CCDC178: variants seen among roughly 807,000 people sequenced by gnomAD.
CCDC178 encodes coiled-coil domain containing 178.
In CCDC178, 126 loss-of-function variants were observed where a neutral mutation model predicts 117.4. The ratio of observed to expected loss-of-function variants is 1.07; its 90% CI spans 0.93 to 1.24. The LOEUF is 1.24. Among genes scored for constraint, CCDC178 ranks in the 50% most tolerant of loss-of-function variants. The pLI is 0.00. For missense variants in CCDC178, 1,030 were observed against 986.9 expected, an observed-to-expected ratio of 1.04 and a Z score of -0.59; for synonymous variants, 283 against 313.4, an observed-to-expected ratio of 0.90 and a Z score of 1.02.
chr18:33,378,126 AGT>A (rs2063389227), intron 5 of CCDC178, among the ~76,000 whole-genome samples: 1 of 152,182 alleles, frequency 6.6e-6, no homozygotes, highest in Non-Finnish European at 1.5e-5. Context: ...TTCTTTCAGC[AGT>A]GTTTTGTAGT....
intron 21 of CCDC178, among the ~76,000 whole-genome samples, chr18:33,085,224 CA>C (rs1001705099): frequency 3.3e-5 from 5 of 152,130 alleles, no homozygotes; most frequent in African/African-American, 1.2e-4. Flanking sequence ...CTTCTATATG[CA>C]AAATATAGTT....
At chr18:33,038,742 G>A (rs2056491043) in intron 21 of CCDC178, among the ~76,000 whole-genome samples, 1 of 151,990 alleles carries the variant, frequency 6.6e-6, no homozygotes, top group Non-Finnish European at 1.5e-5. Flanking sequence ...GATGCTGGTA[G>A]TATCACTGAC....
chr18:33,179,059 TA>T (rs757037955), intron 20 of CCDC178, among the ~76,000 whole-genome samples: 229 of 14,744 alleles, frequency 0.016, 6 homozygotes, highest in African/African-American at 0.062. Flanking sequence ...AAGCACTCAG[TA>T]AAAAAAAAAA....
rs180760710 is a variant in CCDC178 at position 32,991,107 on chromosome 18, A to C, written c.2389-16426T>G. 9.2e-5 allele frequency among the ~76,000 whole-genome samples: 14 copies of C among 151,762 alleles called. No homozygotes were observed. In the East Asian group the frequency reaches 2.5e-3, roughly 27 times the overall value. ...TACATTCAATATCTTAGTTACTTCT[A>C]CATAAAATGGGGGCTATTATCATTT... On this transcript the variant is annotated intron_variant, in intron 21 of 22. Transcript: ENST00000383096.
intron 9 of CCDC178, among the ~76,000 whole-genome samples, chr18:33,337,613 G>T (rs2062758536): frequency 6.6e-6 from 1 of 152,002 alleles, no homozygotes; most frequent in African/African-American, 2.4e-5. Flanking sequence ...GCCAAATACA[G>T]CTAACTGATC....
At chr18:33,390,473 T>A (rs1190766810) in intron 4 of CCDC178, among the ~76,000 whole-genome samples, 2 of 152,090 alleles carry the variant, frequency 1.3e-5, no homozygotes, top group Non-Finnish European at 2.9e-5. Flanking sequence ...AAATACTCTG[T>A]AGTTATGCAA....
intron 21 of CCDC178, among the ~76,000 whole-genome samples, chr18:33,034,171 C>G (rs2056399603): frequency 6.6e-6 from 1 of 151,972 alleles, no homozygotes; most frequent in Non-Finnish European, 1.5e-5. Flanking sequence ...GCTTTTACCT[C>G]TGAATTATGT....
intron 9 of CCDC178, among the ~76,000 whole-genome samples, chr18:33,340,609 T>G (rs2144657505): frequency 6.6e-6 from 1 of 152,196 alleles, no homozygotes; most frequent in Admixed American, 6.5e-5. Context: ...CCCCATGCTG[T>G]GTGCAGCCTA....
chr18:33,243,367 T>C (rs1315425591), intron 15 of CCDC178, among the ~76,000 whole-genome samples: 4 of 151,826 alleles, frequency 2.6e-5, no homozygotes, highest in African/African-American at 7.2e-5. Flanking sequence ...AAGAATAATA[T>C]ACATTTTCAA....
intron 20 of CCDC178, among the ~76,000 whole-genome samples, chr18:33,109,785 T>C (rs2057757491): frequency 6.6e-6 from 1 of 151,560 alleles, no homozygotes; most frequent in Non-Finnish European, 1.5e-5. Flanking sequence ...TAATTCATAC[T>C]TTTTATGTGG....
At chr18:33,350,520 G>A (rs2062960934) in intron 7 of CCDC178, among the ~76,000 whole-genome samples, 1 of 152,112 alleles carries the variant, frequency 6.6e-6, no homozygotes, top group African/African-American at 2.4e-5. Flanking sequence ...TTATAGAAAT[G>A]TAATCATATA....
chr18:33,356,475 C>T, intron 6 of CCDC178, 129 bp from the exon 7 acceptor site: 1 of 991,772 alleles, frequency 1.0e-6, no homozygotes, highest in Non-Finnish European at 1.4e-6. Context: ...TGTACTTATA[C>T]TCTCGGTTGT....
chr18:33,331,357 C>G (rs2062666030), intron 10 of CCDC178, among the ~76,000 whole-genome samples: 1 of 152,010 alleles, frequency 6.6e-6, no homozygotes, highest in Admixed American at 6.5e-5. Context: ...TCTGACTATC[C>G]TTTTGCTCTT....
chr18:33,107,348 A>G lies in CCDC178; in HGVS notation c.2239-14438T>C, dbSNP rs202112263. Among the ~76,000 whole-genome samples, 16 of 151,646 alleles carry G rather than the reference A, an allele frequency of 1.1e-4. No individual in the cohort carries two copies. In the East Asian group the frequency reaches 2.5e-3, roughly 24 times the overall value. ...AATGTATTCCATCATTTATTCATTT[A>G]TTTTGCATTTAATATTTGTTTTCTA... On this transcript the variant is annotated intron_variant, in intron 20 of 22. Transcript: ENST00000383096.
At chr18:33,049,462 T>G (rs1414818789) in intron 21 of CCDC178, among the ~76,000 whole-genome samples, 1 of 151,994 alleles carries the variant, frequency 6.6e-6, no homozygotes, top group Non-Finnish European at 1.5e-5. Context: ...CTATTATCTT[T>G]TTACCCTGTT....
At chr18:33,320,201 C>T (rs184493650) in intron 11 of CCDC178, among the ~76,000 whole-genome samples, 2 of 152,328 alleles carry the variant, frequency 1.3e-5, no homozygotes, top group African/African-American at 4.8e-5. Context: ...GATGCCCTCT[C>T]TCACCACTCC....
chr18:33,239,497 C>T (rs1421149115), intron 15 of CCDC178, among the ~76,000 whole-genome samples: 6 of 143,820 alleles, frequency 4.2e-5, no homozygotes, highest in East Asian at 2.1e-4. Context: ...CTGAAAGTGA[C>T]GTGGTTAAAA....
At chr18:33,019,951 ATTATTATTATTT>A (rs1225277491) in intron 21 of CCDC178, among the ~76,000 whole-genome samples, 3 of 138,942 alleles carry the variant, frequency 2.2e-5, no homozygotes, top group Non-Finnish European at 4.6e-5. Flanking sequence ...TATTATTATT[ATTATTATTATTT>A]GAGATAGAGT....
At chr18:33,038,277 G>A (rs908480481) in intron 21 of CCDC178, among the ~76,000 whole-genome samples, 4 of 151,734 alleles carry the variant, frequency 2.6e-5, no homozygotes, top group African/African-American at 9.7e-5. Context: ...CAAGATATTT[G>A]GTATATCTCA....
Sources: allele counts gnomAD v4.1 joint callset (sites outside exome capture counted in the v4.1 genomes callset), GRCh38; gene constraint gnomAD v4.1.1; transcripts MANE v1.5; gene names NCBI Gene and HGNC (gene_info 2026-07-23, HGNC 2026-07-21).